Variants in SRGAP2C observed in about 807,000 individuals in gnomAD.
SRGAP2C encodes the protein SLIT-ROBO Rho GTPase-activating protein 2C.
In SRGAP2C, 15 loss-of-function variants were observed where a neutral mutation model predicts 25.1. The ratio of observed to expected loss-of-function variants is 0.60; its 90% CI spans 0.40 to 0.92. The LOEUF (loss-of-function observed/expected upper bound fraction) is 0.92, where lower values mean the gene tolerates loss of function less well. SRGAP2C is among the 40% of genes least tolerant of loss of function. The pLI, the probability that SRGAP2C is intolerant of heterozygous loss-of-function variation, is 0.00. For missense variants in SRGAP2C, 144 were observed against 264.4 expected, an observed-to-expected ratio of 0.54 and a Z score of 3.16; for synonymous variants, 44 against 96.6, an observed-to-expected ratio of 0.46 and a Z score of 3.19.
At chr1:121,383,322 G>C (rs1373340577) in intron 8 of SRGAP2C, among the ~76,000 whole-genome samples, 1 of 150,162 alleles carries the variant, frequency 6.7e-6, no homozygotes, top group African/African-American at 2.4e-5. Flanking sequence ...GGCGCTCCCA[G>C]TGGTGAGGCT....
At chr1:121,189,884 G>A (rs1654623335) in intron 2 of SRGAP2C, among the ~76,000 whole-genome samples, 1 of 133,562 alleles carries the variant, frequency 7.5e-6, no homozygotes, top group African/African-American at 2.9e-5. Flanking sequence ...GGATATTATT[G>A]TCACCTTCCA....
At chr1:121,315,091 G>A (rs1313127118) in intron 3 of SRGAP2C, 5 of 712,638 alleles carry the variant, frequency 7.0e-6, no homozygotes, top group African/African-American at 2.0e-5. Flanking sequence ...GCGGGGTGAG[G>A]CGAAGGTCTC....
intron 2 of SRGAP2C, among the ~76,000 whole-genome samples, chr1:121,271,090 C>T (rs1223080371): frequency 2.0e-5 from 3 of 151,640 alleles, no homozygotes; most frequent in Non-Finnish European, 4.4e-5. Flanking sequence ...AGCCACCGCG[C>T]CCAGCTGGAC....
At chr1:121,192,290 G>A (rs1358801794) in intron 2 of SRGAP2C, among the ~76,000 whole-genome samples, 1 of 151,832 alleles carries the variant, frequency 6.6e-6, no homozygotes, top group Non-Finnish European at 1.5e-5. Flanking sequence ...TTGAAAAGCT[G>A]CAGTAAAACA....
In SRGAP2C at chr1:121,315,034, A is replaced by G. The variant is rs1320018447; in HGVS notation, c.261-9444A>G. ...ACAGCTGTTATCTTCAGCTTCTTCA[A>G]GGTATCACTGAGATTATCCATGTTG... On this transcript the variant is annotated intron_variant, in intron 3 of 9. Transcript: ENST00000367123. 18 of 994,864 alleles carry G rather than the reference A, an allele frequency of 1.8e-5. 1 individual carries two copies. Among genetic ancestry groups the G allele is most frequent in the East Asian group, 1.7e-4 (5 of 29,906 alleles). The allele number at this position is 994,864 out of a possible 1,614,324, so 61.6% of individuals were successfully genotyped here. A position where few individuals can be genotyped will look rare whatever the true frequency, so the allele number is the denominator to read the frequency against.
At chr1:121,353,032 G>A (rs1387086703) in intron 4 of SRGAP2C, among the ~76,000 whole-genome samples, 3 of 150,926 alleles carry the variant, frequency 2.0e-5, no homozygotes, top group Non-Finnish European at 3.0e-5. Flanking sequence ...AGAGCTTGCA[G>A]TGAAACGAGA....
At chr1:121,284,021 G>A (rs1256008623) in intron 2 of SRGAP2C, among the ~76,000 whole-genome samples, 1 of 151,442 alleles carries the variant, frequency 6.6e-6, no homozygotes. Context: ...AGGCACTACA[G>A]CATCTATGAA....
In SRGAP2C at chr1:121,332,638, G is replaced by A. The variant is rs1658456676; in HGVS notation, c.423+7998G>A. Among the ~76,000 whole-genome samples the A allele has an allele frequency of 3.4e-5, 5 of 147,000 alleles. No homozygotes were observed. The South Asian group carries it at 1.1e-3, about 33-fold the overall frequency. On this transcript the variant is annotated intron_variant, in intron 4 of 9. Coordinates refer to ENST00000367123, the MANE Select transcript of SRGAP2C (RefSeq NM_001329984.2). Reference sequence around the variant, plus strand: ...ACAGTCAGATTTCTTTTGGCACTAAGGAAATGAATCTGGTAGTTAAAAAGG... The same window carrying A: ...ACAGTCAGATTTCTTTTGGCACTAAAGAAATGAATCTGGTAGTTAAAAAGG...
chr1:121,258,230 C>G (rs1294574551), intron 2 of SRGAP2C, among the ~76,000 whole-genome samples: 5 of 151,470 alleles, frequency 3.3e-5, no homozygotes, highest in Non-Finnish European at 5.9e-5. Flanking sequence ...AGAAATAAAC[C>G]TACCTCTCTC....
chr1:121,260,748 T>G, intron 2 of SRGAP2C, among the ~76,000 whole-genome samples: 3 of 93,274 alleles, frequency 3.2e-5, no homozygotes, highest in East Asian at 2.9e-4. Context: ...CCACCCCCCA[T>G]TCTCTGGCAT....
At chr1:121,277,402 A>G (rs1266674150) in intron 2 of SRGAP2C, among the ~76,000 whole-genome samples, 2 of 151,670 alleles carry the variant, frequency 1.3e-5, no homozygotes, top group Non-Finnish European at 2.9e-5. Flanking sequence ...TTTTTTATGT[A>G]TCTTTTATTT....
At chr1:121,384,889 A>G (rs1570839084) in intron 8 of SRGAP2C, among the ~76,000 whole-genome samples, 1 of 152,158 alleles carries the variant, frequency 6.6e-6, no homozygotes, top group African/African-American at 2.4e-5. Flanking sequence ...TCCCTCCATG[A>G]TTCCTCTCTG....
intron 3 of SRGAP2C, among the ~76,000 whole-genome samples, chr1:121,295,746 G>A (rs1261585394): frequency 2.0e-5 from 3 of 151,848 alleles, no homozygotes; most frequent in Non-Finnish European, 4.4e-5. Flanking sequence ...TGTTGTTGTT[G>A]TTGTTGTTGT....
Position 121,324,616 on chromosome 1 carries a change from G to A in SRGAP2C, c.399G>A (p.Glu133=). The A allele has an allele frequency of 7.5e-7, 1 of 1,331,974 alleles. No individual in the cohort carries two copies. Among genetic ancestry groups the A allele is most frequent in the Non-Finnish European group, 1.1e-6 (1 of 924,350 alleles). The allele number at this position is 1,331,974 out of a possible 1,614,324, so 82.5% of individuals were successfully genotyped here. ...TTCCTCGATTTGTACAAGTCAGCGAGGACTCAGGAAGACTCTTTAAAAAGG... is the reference window on the plus strand; with the variant it reads ...TTCCTCGATTTGTACAAGTCAGCGAAGACTCAGGAAGACTCTTTAAAAAGG... ...NIIPRFVQVS[E]DSGRLFKKSK... The change falls in exon 4 of 10, where the codon GAG becomes GAA. Residue 133 remains glutamate, a synonymous_variant. Transcript: ENST00000367123.
chr1:121,236,789 C>CT (rs1247454110), intron 2 of SRGAP2C, among the ~76,000 whole-genome samples: 25 of 121,062 alleles, frequency 2.1e-4, no homozygotes, highest in African/African-American at 7.4e-4. Context: ...GACTACTTCT[C>CT]TGTCTTTTTT....
At chr1:121,362,601 A>C (rs1206533276) in intron 4 of SRGAP2C, among the ~76,000 whole-genome samples, 1 of 151,724 alleles carries the variant, frequency 6.6e-6, no homozygotes, top group Non-Finnish European at 1.5e-5. Flanking sequence ...TCTGCCATTC[A>C]AACATAAGGA....
intron 2 of SRGAP2C, among the ~76,000 whole-genome samples, chr1:121,215,852 GA>G (rs1286405469): frequency 3.8e-4 from 57 of 149,704 alleles, no homozygotes; most frequent in Admixed American, 2.3e-3. Context: ...GCCTCAACCA[GA>G]AAAAAATTCT....
intron 3 of SRGAP2C, among the ~76,000 whole-genome samples, chr1:121,295,749 G>T (rs1483760515): frequency 2.0e-5 from 3 of 152,042 alleles, no homozygotes; most frequent in Non-Finnish European, 4.4e-5. Flanking sequence ...TGTTGTTGTT[G>T]TTGTTGTTGT....
At chr1:121,309,524 T>TA (rs1444155617) in intron 3 of SRGAP2C, among the ~76,000 whole-genome samples, 4 of 150,840 alleles carry the variant, frequency 2.7e-5, no homozygotes, top group Non-Finnish European at 5.9e-5. Context: ...CTGCACCCAC[T>TA]AACTCGTCAT....
Sources: gnomAD v4.1 joint callset for allele counts (sites outside exome capture counted in the v4.1 genomes callset) on GRCh38, gnomAD v4.1.1 for gene constraint, MANE v1.5 for transcripts, NCBI Gene and HGNC (gene_info 2026-07-23, HGNC 2026-07-21) for gene names.